TRAPPC11: variants seen among roughly 807,000 people sequenced by gnomAD.
TRAPPC11 encodes trafficking protein particle complex subunit 11, also known as foie gras homolog.
Under a neutral mutation model 151.2 loss-of-function variants are expected in TRAPPC11, and 104 were observed. The ratio of observed to expected loss-of-function variants is 0.69; its 90% CI spans 0.59 to 0.81. The LOEUF is 0.81. Among genes scored for constraint, TRAPPC11 ranks in the 30% least tolerant of loss-of-function variants. TRAPPC11 has a pLI of 0.00. For synonymous variants in TRAPPC11, 456 were observed against 472.3 expected (o/e 0.97, Z 0.45); for missense variants, 1,230 against 1,349.6 (o/e 0.91, Z 1.39).
At chr4:183,706,595 T>G (rs1003087571) in intron 27 of TRAPPC11, among the ~76,000 whole-genome samples, 1 of 152,092 alleles carries the variant, frequency 6.6e-6, no homozygotes, top group Non-Finnish European at 1.5e-5. Flanking sequence ...TCTAGGCCAG[T>G]CATTTTTAGA....
chr4:183,666,425 A>G lies in TRAPPC11; in HGVS notation c.373A>G (p.Arg125Gly), dbSNP rs1734886466. The change falls in exon 3 of 30, where the codon AGG becomes GGG. Residue 125 changes from arginine (R) to glycine (G), a missense_variant and splice_region_variant. Arg to Gly is a moderately radical substitution (Grantham distance 125). Transcript: ENST00000334690. ...GTGCGCCACCAGAGTGGAAATAGTC[A>G]GGTATGATCTTCTGTGTCAGGGCAG... ...SECATRVEIV[R>G]QSLQGRNTKV... The G allele has an allele frequency of 1.2e-6, 2 of 1,612,306 alleles. No individual in the cohort carries two copies. The highest frequency in any genetic ancestry group is 1.7e-6 in the Non-Finnish European group (2 of 1,179,006).
chr4:183,697,839 A>C lies in TRAPPC11; in HGVS notation c.2851+4A>C. On this transcript the variant is annotated splice_donor_region_variant and intron_variant, in intron 25 of 29. Transcript: ENST00000334690. ...CTCGAGTCTCAAGTGGACAATGGTG[A>C]GTCTGGTTCATTCCCACTTAAAGAC... The C allele has an allele frequency of 3.7e-6, 6 of 1,612,204 alleles. No individual in the cohort carries two copies. Among genetic ancestry groups the C allele is most frequent in the Non-Finnish European group, 5.1e-6 (6 of 1,179,332 alleles).
chr4:183,670,675 G>A (rs1429262842), intron 5 of TRAPPC11, among the ~76,000 whole-genome samples: 1 of 152,088 alleles, frequency 6.6e-6, no homozygotes, highest in Non-Finnish European at 1.5e-5. Flanking sequence ...GCACAATCTC[G>A]GCTCACTGCA....
Position 183,693,153 on chromosome 4 carries a change from T to A in TRAPPC11, c.2237+6T>A, listed in dbSNP as rs753053265. 3 of 1,580,142 alleles carry A rather than the reference T, an allele frequency of 1.9e-6. No individual in the cohort carries two copies. The highest frequency in any genetic ancestry group is 2.6e-6 in the Non-Finnish European group (3 of 1,161,296). ...ATAATTCAGGCAAGCACAATGTAAG[T>A]CTGCTTTGCTAAGCTGATATTAAAG... On this transcript the variant is annotated splice_donor_region_variant and intron_variant, in intron 20 of 29. Coordinates refer to ENST00000334690, the MANE Select transcript of TRAPPC11 (RefSeq NM_021942.6).
At chr4:183,669,157 C>A (rs949201609) in intron 5 of TRAPPC11, among the ~76,000 whole-genome samples, 1 of 152,170 alleles carries the variant, frequency 6.6e-6, no homozygotes, top group Non-Finnish European at 1.5e-5. Flanking sequence ...AATCTTTACA[C>A]TGGAAGCAGT....
At position 183,675,201 on chromosome 4, in the gene TRAPPC11, T is replaced by G. The variant is rs762263125; in HGVS notation, c.698T>G (p.Phe233Cys). 6.5e-7 allele frequency: 1 copy of G among 1,546,616 alleles called. No individual in the cohort carries two copies. The highest frequency in any genetic ancestry group is 1.3e-5 in the South Asian group (1 of 76,942). ...AGGCATCAGTTCAAAATAGCTTTCTTCAGTGAGTTGAAACAAGATACACAA... is the reference window on the plus strand; with the variant it reads ...AGGCATCAGTTCAAAATAGCTTTCTGCAGTGAGTTGAAACAAGATACACAA... ...FVRHQFKIAF[F>C]SELKQDTQNA... The change falls in exon 7 of 30, where the codon TTC (phenylalanine) becomes TGC (cysteine). Residue 233 changes from phenylalanine (F) to cysteine (C), a missense_variant. Physicochemically the swap from Phe to Cys is radical, Grantham distance 205. Transcript: ENST00000334690.
At position 183,679,465 on chromosome 4, in the gene TRAPPC11, A is replaced by G. The variant is rs533000838; in HGVS notation, c.944A>G (p.His315Arg). The G allele has an allele frequency of 1.1e-4, 178 of 1,611,736 alleles. 3 individuals carry two copies. The South Asian group carries it at 1.8e-3, about 16-fold the overall frequency. Residue 315 changes from histidine (H) to arginine (R), a missense_variant, in exon 9 of 30, where the codon CAT becomes CGT. Transcript: ENST00000334690. ...GGAAGTGCAGAGCTGTCTTTTGAGC[A>G]TGATGCATGGATGTCTAAACAGTAT... Reference protein sequence around the residue: ...KIGSAELSFEHDAWMSKQFQA... With the variant: ...KIGSAELSFERDAWMSKQFQA...
intron 18 of TRAPPC11, among the ~76,000 whole-genome samples, chr4:183,689,356 C>T (rs1270061385): frequency 6.6e-6 from 1 of 151,970 alleles, no homozygotes; most frequent in African/African-American, 2.4e-5. Context: ...TTGCCCTCCT[C>T]TCCGACTACT....
At chr4:183,675,824 T>G (rs1484905524) in intron 7 of TRAPPC11, 1 of 152,204 alleles carries the variant, frequency 6.6e-6, no homozygotes, top group Non-Finnish European at 1.5e-5. Flanking sequence ...ATTTGAAGTC[T>G]CTGCTTAGAG....
intron 11 of TRAPPC11, among the ~76,000 whole-genome samples, chr4:183,683,619 C>T (rs532308811): frequency 6.6e-6 from 1 of 152,166 alleles, no homozygotes; most frequent in South Asian, 2.1e-4. Context: ...TGTGATTGTA[C>T]CGCTGCACTC....
In TRAPPC11 at chr4:183,712,854, G is replaced by A. The variant is rs531018742; in HGVS notation, c.*210G>A. On this transcript the variant is annotated 3_prime_UTR_variant, in exon 30 of 30. Coordinates refer to ENST00000334690, the MANE Select transcript of TRAPPC11 (RefSeq NM_021942.6). ...TCTCTAATAAATATCTGAAATCTCA[G>A]TACGACATGAAAGAATGTCAGACCA... 2.1e-6 allele frequency: 1 copy of A among 480,418 alleles called. No homozygotes were observed. Among genetic ancestry groups the A allele is most frequent in the African/African-American group, 2.0e-5 (1 of 50,876 alleles). The allele number at this position is 480,418 out of a possible 1,614,324, so 29.8% of individuals were successfully genotyped here.
Position 183,675,168 on chromosome 4 carries a change from T to C in TRAPPC11, c.665T>C (p.Leu222Ser). ...AATTTTTTTGTCTCTTTTTAGCTTT[T>C]ATTTGTTAGGCATCAGTTCAAAATA... Reference protein sequence around the residue: ...EFLNKTTHQLLFVRHQFKIAF... With the variant: ...EFLNKTTHQLSFVRHQFKIAF... The change falls in exon 7 of 30, where the codon TTA becomes TCA. Residue 222 changes from leucine (L) to serine (S), a missense_variant. Coordinates refer to ENST00000334690, the MANE Select transcript of TRAPPC11 (RefSeq NM_021942.6). The C allele has an allele frequency of 6.6e-7, 1 of 1,504,232 alleles. No homozygotes were observed. The highest frequency in any genetic ancestry group is 8.9e-7 in the Non-Finnish European group (1 of 1,123,138). 93.2% of individuals were successfully genotyped at this position (1,504,232 alleles called of 1,614,324 possible). A position where few individuals can be genotyped will look rare whatever the true frequency, so the allele number is the denominator to read the frequency against.
At chr4:183,701,252 A>G (rs150193668) in intron 25 of TRAPPC11, 1 of 155,304 alleles carries the variant, frequency 6.4e-6, no homozygotes, top group African/African-American at 2.4e-5. Context: ...GTCAACCTGT[A>G]TATGTTTACT....
rs1239930570 is a variant in TRAPPC11, at chr4:183,694,619, T to A, written c.2524T>A (p.Tyr842Asn). The A allele has an allele frequency of 6.2e-7, 1 of 1,612,844 alleles. No homozygotes were observed. Among genetic ancestry groups the A allele is most frequent in the Non-Finnish European group, 8.5e-7 (1 of 1,179,300 alleles). Reference sequence around the variant, plus strand: ...TTTGTTACAGCTGGAAAAAATGTTGTATGTTCGCTGTGGAACAGTGGGTTC... The same window carrying A: ...TTTGTTACAGCTGGAAAAAATGTTGAATGTTCGCTGTGGAACAGTGGGTTC... ...HPGEQLEKML[Y>N]VRCGTVGSRM... is the part of the protein sequence containing the mutation. The change falls in exon 23 of 30, where the codon TAT becomes AAT. Residue 842 changes from tyrosine to asparagine, a missense_variant. Tyr to Asn is a moderately radical substitution (Grantham distance 143). Transcript: ENST00000334690.
chr4:183,677,093 C>T (rs1385361655), intron 7 of TRAPPC11, among the ~76,000 whole-genome samples: 1 of 152,156 alleles, frequency 6.6e-6, no homozygotes, highest in Non-Finnish European at 1.5e-5. Flanking sequence ...ACCACCTTTG[C>T]TAATAAAATT....
intron 29 of TRAPPC11, among the ~76,000 whole-genome samples, chr4:183,709,546 C>T (rs947434896): frequency 2.6e-5 from 4 of 152,092 alleles, no homozygotes; most frequent in Admixed American, 1.3e-4. Context: ...GAGGCCGAGG[C>T]GGGCAGATCA....
chr4:183,679,518 TA>T (rs1561039511), intron 9 of TRAPPC11, 32 bp downstream of exon 9: 2 of 1,545,872 alleles, frequency 1.3e-6, no homozygotes, highest in Non-Finnish European at 1.7e-6. Context: ...TAGAATTTTT[TA>T]AAAATGATAC....
rs1488373742 is a variant in TRAPPC11, at chr4:183,701,785, G to T, written c.2940G>T (p.Gly980=). ...LGNIEGGVAT[G]HYIISWKRTS... ...ATATTGAAGGTGGAGTAGCAACCGG[G>T]CATTATATTATCTCTTGGAAAAGGT... The change falls in exon 26 of 30, where the codon GGG becomes GGT. Residue 980 remains glycine, a synonymous_variant. Transcript: ENST00000334690. The T allele has an allele frequency of 1.9e-6, 3 of 1,612,984 alleles. No homozygotes were observed. The highest frequency in any genetic ancestry group is 2.5e-6 in the Non-Finnish European group (3 of 1,179,054).
At position 183,691,213 on chromosome 4, in the gene TRAPPC11, A is replaced by G. The variant is rs749060687; in HGVS notation, c.1894-103A>G. 214 of 901,494 alleles carry G rather than the reference A, an allele frequency of 2.4e-4. No individual in the cohort carries two copies. Among genetic ancestry groups the G allele is most frequent in the Non-Finnish European group, 3.2e-4 (208 of 641,932 alleles). 55.8% of individuals were successfully genotyped at this position (901,494 alleles called of 1,614,324 possible). ...TTCCTTTTATTAGTAACCCTTCATAATGCTTCAGTGTTTGTGGAGTTATAC... is the reference window on the plus strand; with the variant it reads ...TTCCTTTTATTAGTAACCCTTCATAGTGCTTCAGTGTTTGTGGAGTTATAC... On this transcript the variant is annotated intron_variant, in intron 18 of 29. Coordinates refer to ENST00000334690, the MANE Select transcript of TRAPPC11 (RefSeq NM_021942.6).
Sources: allele counts gnomAD v4.1 joint callset (sites outside exome capture counted in the v4.1 genomes callset), GRCh38; gene constraint gnomAD v4.1.1; transcripts MANE v1.5; gene names NCBI Gene and HGNC (gene_info 2026-07-23, HGNC 2026-07-21).